GRM8: variants seen among roughly 807,000 people sequenced by gnomAD.
The protein encoded by GRM8 is metabotropic glutamate receptor 8.
A neutral mutation model predicts 87.2 loss-of-function variants in GRM8; 47 were observed. The ratio of observed to expected loss-of-function variants is 0.54; its 90% confidence interval spans 0.43 to 0.69. The LOEUF (loss-of-function observed/expected upper bound fraction) is 0.69, where lower values mean the gene tolerates loss of function less well. Among genes scored for constraint, GRM8 ranks in the 30% least tolerant of loss-of-function variants. GRM8 has a pLI of 0.00. For synonymous variants in GRM8, 396 were observed against 404.5 expected (o/e 0.98, Z 0.25); for missense variants, 1,019 against 1,139.2 (o/e 0.89, Z 1.52).
At chr7:127,149,172 T>C (rs1828713311) in intron 2 of GRM8, among the ~76,000 whole-genome samples, 1 of 152,032 alleles carries the variant, frequency 6.6e-6, no homozygotes, top group Non-Finnish European at 1.5e-5. Flanking sequence ...CTGCAAACTA[T>C]ATATCTGATA....
chr7:127,206,847 C>T (rs750621477), intron 2 of GRM8, among the ~76,000 whole-genome samples: 5 of 152,202 alleles, frequency 3.3e-5, no homozygotes, highest in Non-Finnish European at 5.9e-5. Context: ...TCCTAGAAGA[C>T]TTTTCCTTAA....
Position 126,918,477 on chromosome 7 carries a change from GA to G in GRM8, c.728-13795del, listed in dbSNP as rs373354549. ...CTCATGTTACTGTAGAAGGAATACA[GA>G]AAAAAAATTAAGTTAGCCATTAAAA... On this transcript the variant is annotated intron_variant, in intron 3 of 10. Coordinates refer to ENST00000339582, the MANE Select transcript of GRM8 (RefSeq NM_000845.3). Among the ~76,000 whole-genome samples, 439 of 151,892 alleles carry G rather than the reference GA, an allele frequency of 2.9e-3. 1 individual carries two copies. Among genetic ancestry groups the G allele is most frequent in the African/African-American group, 9.7e-3 (401 of 41,454 alleles).
intron 7 of GRM8, among the ~76,000 whole-genome samples, chr7:126,724,974 T>C (rs776764208): frequency 9.2e-5 from 14 of 152,160 alleles, no homozygotes; most frequent in Admixed American, 5.2e-4. Flanking sequence ...GGTTTTACAG[T>C]CTGTGGGATC....
intron 7 of GRM8, among the ~76,000 whole-genome samples, chr7:126,767,490 T>C (rs372400259): frequency 6.6e-6 from 1 of 152,082 alleles, no homozygotes; most frequent in Non-Finnish European, 1.5e-5. Flanking sequence ...TCTTGAAAAA[T>C]AGGTAAGCTT....
intron 3 of GRM8, among the ~76,000 whole-genome samples, chr7:126,980,555 A>T (rs779070437): frequency 1.2e-4 from 19 of 152,274 alleles, no homozygotes; most frequent in Non-Finnish European, 2.2e-4. Context: ...TCTGTCCTTG[A>T]TTCTGTCTTG....
At chr7:126,918,869 A>G (rs1209259696) in intron 3 of GRM8, among the ~76,000 whole-genome samples, 1 of 152,200 alleles carries the variant, frequency 6.6e-6, no homozygotes, top group Admixed American at 6.5e-5. Context: ...CAACAATCCC[A>G]ACATCACCCA....
intron 3 of GRM8, among the ~76,000 whole-genome samples, chr7:126,988,961 T>C (rs1005376714): frequency 3.3e-5 from 5 of 152,184 alleles, no homozygotes; most frequent in Admixed American, 2.6e-4. Context: ...GTGACTTCTA[T>C]AGTACTGGGG....
intron 2 of GRM8, among the ~76,000 whole-genome samples, chr7:127,136,409 C>T (rs545938012): frequency 1.3e-5 from 2 of 152,200 alleles, no homozygotes; most frequent in African/African-American, 4.8e-5. Flanking sequence ...ATTCATTCTA[C>T]CTCCTGGAAG....
chr7:126,864,743 T>G (rs760185391), intron 6 of GRM8, among the ~76,000 whole-genome samples: 30 of 152,136 alleles, frequency 2.0e-4, no homozygotes, highest in Non-Finnish European at 4.0e-4. Context: ...ATATTGCAAT[T>G]TTTTTTACTA....
chr7:126,473,870 A>G (rs1805590813), intron 9 of GRM8, among the ~76,000 whole-genome samples: 1 of 151,530 alleles, frequency 6.6e-6, no homozygotes, highest in African/African-American at 2.4e-5. Flanking sequence ...CCCTGAACAC[A>G]CTCTCTTGCC....
rs76817979 is a variant in GRM8 at position 127,243,379 on chromosome 7, C to A, written c.-175G>T. 0.011 allele frequency: 6,343 copies of A among 588,644 alleles called. 56 individuals are homozygous for A. Among genetic ancestry groups the A allele is most frequent in the Non-Finnish European group, 0.012 (4,122 of 339,042 alleles). 36.5% of individuals were successfully genotyped at this position (588,644 alleles called of 1,614,324 possible). A position where few individuals can be genotyped will look rare whatever the true frequency, so the allele number is the denominator to read the frequency against. The stretch of plus-strand genomic sequence containing the variant: ...AATGTCACAGTGAATTTCCATCAGA[C>A]CCCTAAGGTTCAATTTTATTTCCTT... On this transcript the variant is annotated 5_prime_UTR_variant, in exon 2 of 11. Transcript: ENST00000339582.
chr7:126,932,255 G>C (rs1041682985), intron 3 of GRM8, among the ~76,000 whole-genome samples: 5 of 152,096 alleles, frequency 3.3e-5, no homozygotes, highest in African/African-American at 1.2e-4. Flanking sequence ...TTATTTAAAG[G>C]GCAGTGGAAA....
At chr7:127,123,312 T>C (rs949756535) in intron 2 of GRM8, among the ~76,000 whole-genome samples, 2 of 152,126 alleles carry the variant, frequency 1.3e-5, no homozygotes, top group Non-Finnish European at 2.9e-5. Flanking sequence ...ATCCCCAGTG[T>C]TGGAGGTGGG....
At chr7:126,731,327 G>C (rs1813559459) in intron 7 of GRM8, among the ~76,000 whole-genome samples, 1 of 152,038 alleles carries the variant, frequency 6.6e-6, no homozygotes, top group African/African-American at 2.4e-5. Context: ...ACCCAACTTT[G>C]AATTAAATAT....
chr7:126,952,022 A>AAAAG (rs60996892), intron 3 of GRM8, among the ~76,000 whole-genome samples: 56,486 of 150,206 alleles, frequency 0.38, 10,883 homozygotes, highest in East Asian at 0.65. Context: ...TGATTTAAAA[A>AAAAG]AAAGAAAGAA....
At chr7:126,509,279 A>G (rs1048540558) in intron 9 of GRM8, among the ~76,000 whole-genome samples, 8 of 152,070 alleles carry the variant, frequency 5.3e-5, no homozygotes, top group African/African-American at 1.9e-4. Context: ...AGCTAATATC[A>G]CATAGTGGAA....
Position 126,558,612 on chromosome 7 carries a change from C to T in GRM8, c.1495-24725G>A, listed in dbSNP as rs117412958. ...CATCTCTAGGTTAATTACAATGCCTCATACAATGTAAATTCTACGAAGATA... is the reference window on the plus strand; with the variant it reads ...CATCTCTAGGTTAATTACAATGCCTTATACAATGTAAATTCTACGAAGATA... On this transcript the variant is annotated intron_variant, in intron 8 of 10. Transcript: ENST00000339582. Among the ~76,000 whole-genome samples the T allele has an allele frequency of 3.8e-3, 574 of 152,284 alleles. 3 individuals carry two copies. The highest frequency in any genetic ancestry group is 6.6e-3 in the Non-Finnish European group (448 of 68,024).
chr7:126,611,768 A>G (rs1043578020), intron 7 of GRM8, among the ~76,000 whole-genome samples: 1 of 152,242 alleles, frequency 6.6e-6, no homozygotes, highest in Non-Finnish European at 1.5e-5. Context: ...ACACATTACC[A>G]TGAATATACC....
At chr7:127,079,957 T>C (rs1257397544) in intron 3 of GRM8, among the ~76,000 whole-genome samples, 2 of 152,260 alleles carry the variant, frequency 1.3e-5, no homozygotes, top group East Asian at 1.9e-4. Context: ...TTTGTCCCTG[T>C]GGTACACAGA....
Sources: gnomAD v4.1 joint callset for allele counts (sites outside exome capture counted in the v4.1 genomes callset) on GRCh38, gnomAD v4.1.1 for gene constraint, MANE v1.5 for transcripts, NCBI Gene and HGNC (gene_info 2026-07-23, HGNC 2026-07-21) for gene names.